Variants in FHOD3 observed in about 807,000 individuals in gnomAD.
FHOD3 encodes the protein FH1/FH2 domain-containing protein 3.
A neutral mutation model predicts 173.0 loss-of-function variants in FHOD3; 90 were observed. The observed-to-expected ratio is 0.52, with a 90% CI of 0.44 to 0.62. FHOD3 has a LOEUF of 0.62. Among genes scored for constraint, FHOD3 ranks in the 20% least tolerant of loss-of-function variants. The pLI is 0.00. For synonymous variants in FHOD3, 828 were observed against 823.0 expected, an observed-to-expected ratio of 1.01 and a Z score of -0.10; for missense variants, 1,945 against 2,034.7, an observed-to-expected ratio of 0.96 and a Z score of 0.85.
At chr18:36,342,727 G>T (rs2045685096) in intron 1 of FHOD3, among the ~76,000 whole-genome samples, 1 of 152,206 alleles carries the variant, frequency 6.6e-6, no homozygotes, top group African/African-American at 2.4e-5. Context: ...TCATCAGAAA[G>T]TCAAAAACAA....
chr18:36,762,905 A>T (rs2042944261), intron 27 of FHOD3, among the ~76,000 whole-genome samples: 1 of 147,898 alleles, frequency 6.8e-6, no homozygotes. Context: ...TATGTGTATT[A>T]TACACGTTAT....
intron 10 of FHOD3, among the ~76,000 whole-genome samples, chr18:36,630,637 C>T (rs1472311212): frequency 6.6e-6 from 1 of 152,168 alleles, no homozygotes; most frequent in Non-Finnish European, 1.5e-5. Flanking sequence ...TACATCCAGG[C>T]TTCACGAACC....
At chr18:36,745,675 C>T (rs974549954) in intron 23 of FHOD3, among the ~76,000 whole-genome samples, 1 of 152,014 alleles carries the variant, frequency 6.6e-6, no homozygotes, top group Non-Finnish European at 1.5e-5. Context: ...CTTACCTCCG[C>T]GCCCCTGCTC....
intron 7 of FHOD3, 105 bp downstream of exon 7, chr18:36,595,003 C>G (rs1388009410): frequency 1.4e-6 from 1 of 695,562 alleles, no homozygotes; most frequent in Non-Finnish European, 2.4e-6. Context: ...AATAGAATTC[C>G]CGAGATGTGG....
At chr18:36,493,271 A>G (rs2054564379) in intron 3 of FHOD3, among the ~76,000 whole-genome samples, 1 of 151,144 alleles carries the variant, frequency 6.6e-6, no homozygotes, top group Admixed American at 6.6e-5. Flanking sequence ...ACAAGCTTCA[A>G]AATCACAGGA....
chr18:36,310,563 C>T (rs1001261295), intron 1 of FHOD3, among the ~76,000 whole-genome samples: 34 of 151,494 alleles, frequency 2.2e-4, no homozygotes, highest in African/African-American at 7.5e-4. Context: ...GGTGGGTGCC[C>T]GTAATTCCAA....
intron 28 of FHOD3, among the ~76,000 whole-genome samples, chr18:36,774,001 T>C (rs575100944): frequency 1.3e-5 from 2 of 152,324 alleles, no homozygotes; most frequent in South Asian, 2.1e-4. Flanking sequence ...ACTTAAAATA[T>C]TGTGGAAAAC....
chr18:36,771,846 G>A (rs1261235922), intron 28 of FHOD3, among the ~76,000 whole-genome samples: 1 of 152,246 alleles, frequency 6.6e-6, no homozygotes, highest in African/African-American at 2.4e-5. Flanking sequence ...CTGACAGAGG[G>A]TTGGAAGGTT....
chr18:36,430,666 G>T (rs963885694), intron 3 of FHOD3, among the ~76,000 whole-genome samples: 1 of 152,146 alleles, frequency 6.6e-6, no homozygotes, highest in Non-Finnish European at 1.5e-5. Context: ...AATGATTGTG[G>T]AATTACCAGA....
intron 2 of FHOD3, among the ~76,000 whole-genome samples, chr18:36,360,540 G>A (rs182227748): frequency 6.6e-6 from 1 of 152,326 alleles, no homozygotes; most frequent in Non-Finnish European, 1.5e-5. Flanking sequence ...TCTGGGAAAG[G>A]TTAAGAAGGG....
At chr18:36,421,509 ATGGCT>A (rs1254476524) in intron 3 of FHOD3, among the ~76,000 whole-genome samples, 1 of 152,216 alleles carries the variant, frequency 6.6e-6, no homozygotes, top group South Asian at 2.1e-4. Flanking sequence ...ATTGGTTTTT[ATGGCT>A]TCCATTTTAG....
At chr18:36,676,253 A>T (rs980428900) in intron 14 of FHOD3, among the ~76,000 whole-genome samples, 2 of 152,212 alleles carry the variant, frequency 1.3e-5, no homozygotes, top group African/African-American at 4.8e-5. Flanking sequence ...TTTGCCATAC[A>T]TGTATTTAAA....
At chr18:36,387,745 C>T (rs543016320) in intron 3 of FHOD3, among the ~76,000 whole-genome samples, 8 of 152,302 alleles carry the variant, frequency 5.3e-5, no homozygotes, top group Non-Finnish European at 8.8e-5. Flanking sequence ...TGCTGCTCCT[C>T]CACCCCGCAT....
At chr18:36,700,004 T>A (rs1485154636) in intron 17 of FHOD3, among the ~76,000 whole-genome samples, 1 of 151,982 alleles carries the variant, frequency 6.6e-6, no homozygotes, top group Non-Finnish European at 1.5e-5. Flanking sequence ...TTGAGTCGCG[T>A]GCATTTCTCA....
chr18:36,710,781 ATTC>A (rs918644821), intron 18 of FHOD3: 1 of 152,184 alleles, frequency 6.6e-6, no homozygotes, highest in Non-Finnish European at 1.5e-5. Context: ...AGTCCCCCAA[ATTC>A]TTCTTATCAT....
intron 9 of FHOD3, among the ~76,000 whole-genome samples, chr18:36,612,637 C>T (rs951575642): frequency 2.0e-5 from 3 of 151,978 alleles, no homozygotes; most frequent in African/African-American, 7.3e-5. Context: ...ATGTAATTGT[C>T]GTAAGGAAAG....
At chr18:36,504,166 C>G (rs889403908) in intron 4 of FHOD3, among the ~76,000 whole-genome samples, 2 of 152,140 alleles carry the variant, frequency 1.3e-5, no homozygotes, top group African/African-American at 4.8e-5. Flanking sequence ...GGTGATTCAC[C>G]CACCCAGGCC....
intron 5 of FHOD3, among the ~76,000 whole-genome samples, chr18:36,562,182 A>G (rs557516479): frequency 1.8e-4 from 28 of 152,138 alleles, no homozygotes; most frequent in Admixed American, 1.4e-3. Flanking sequence ...ACTCCCGGCT[A>G]ATTTTTGTAC....
intron 6 of FHOD3, among the ~76,000 whole-genome samples, chr18:36,590,413 T>A (rs1249701598): frequency 6.6e-6 from 1 of 150,868 alleles, no homozygotes; most frequent in Non-Finnish European, 1.5e-5. Context: ...GTACCTTTTT[T>A]ACTTTCAAGT....
Sources: gnomAD v4.1 joint callset for allele counts (sites outside exome capture counted in the v4.1 genomes callset) on GRCh38, gnomAD v4.1.1 for gene constraint, MANE v1.5 for transcripts, NCBI Gene and HGNC (gene_info 2026-07-23, HGNC 2026-07-21) for gene names.